FHIP1B: variants seen among roughly 807,000 people sequenced by gnomAD.
The protein encoded by FHIP1B is FHF complex subunit HOOK interacting protein 1B, also known as FHF complex subunit HOOK-interacting protein 1B.
A neutral mutation model predicts 82.2 loss-of-function variants in FHIP1B; 28 were observed. That is an observed-to-expected ratio of 0.34 (90% CI 0.25 to 0.47). The LOEUF (loss-of-function observed/expected upper bound fraction) is 0.47, where lower values mean the gene tolerates loss of function less well. FHIP1B is among the 20% of genes least tolerant of loss of function. The probability of loss-of-function intolerance (pLI) is 1.00; values close to 1 mark genes in which losing one functional copy is unlikely to be tolerated. For synonymous variants in FHIP1B, 585 were observed against 516.1 expected (o/e 1.13, Z -1.81); for missense variants, 1,110 against 1,262.6 (o/e 0.88, Z 1.83).
At chr11:6,230,623 T>G (rs1847673076) in intron 1 of FHIP1B, among the ~76,000 whole-genome samples, 1 of 152,236 alleles carries the variant, frequency 6.6e-6, no homozygotes, top group Non-Finnish European at 1.5e-5. Flanking sequence ...TCTCCTCATC[T>G]GACTCCAGCG....
At position 6,223,784 on chromosome 11, in the gene FHIP1B, A is replaced by T. The variant is rs772708738; in HGVS notation, c.603T>A (p.Pro201=). 10 of 1,614,202 alleles carry T rather than the reference A, an allele frequency of 6.2e-6. No homozygotes were observed. Among genetic ancestry groups the T allele is most frequent in the Non-Finnish European group, 7.6e-6 (9 of 1,180,022 alleles). Residue 201 remains proline (P), a synonymous_variant, in exon 3 of 12, where the codon CCT becomes CCA. Coordinates refer to ENST00000449352, the MANE Select transcript of FHIP1B (RefSeq NM_001098794.2). The surrounding 1 kb of genome is among the most constrained non-coding windows in gnomAD (Gnocchi z 4.8). Reference sequence around the variant, plus strand: ...GACGGGGAGCGGCTCCAGGCTCAGGAGGTGGCTGCAGGAAGAACTCGAGCA... The same window carrying T: ...GACGGGGAGCGGCTCCAGGCTCAGGTGGTGGCTGCAGGAAGAACTCGAGCA... ...PSLLEFFLQP[P]PEPGAAPRLL... is the part of the protein sequence containing the mutation.
intron 1 of FHIP1B, among the ~76,000 whole-genome samples, chr11:6,229,589 C>G (rs1847646221): frequency 6.6e-6 from 1 of 152,186 alleles, no homozygotes; most frequent in Non-Finnish European, 1.5e-5. Flanking sequence ...CTGCCTCCAG[C>G]TTCTGGAATT....
chr11:6,215,733 T>C (rs1385098764), intron 9 of FHIP1B, among the ~76,000 whole-genome samples: 1 of 152,202 alleles, frequency 6.6e-6, no homozygotes, highest in Non-Finnish European at 1.5e-5. Flanking sequence ...CATTATCCAC[T>C]GGGAAAACTG....
intron 1 of FHIP1B, among the ~76,000 whole-genome samples, chr11:6,230,471 C>G (rs982572388): frequency 6.6e-6 from 1 of 152,202 alleles, no homozygotes; most frequent in African/African-American, 2.4e-5. Flanking sequence ...ACCAAAAACA[C>G]CACCTACTAG....
rs768172515 is a variant in FHIP1B at position 6,224,550 on chromosome 11, C to G, written c.-34G>C. On this transcript the variant is annotated 5_prime_UTR_variant, in exon 2 of 12. Transcript: ENST00000449352. ...CTGGGCAGGACTGGCAGCCAGAGGC[C>G]TACACTCTGAGGATTTGCCAGCTGG... The G allele has an allele frequency of 1.9e-6, 3 of 1,570,402 alleles. No individual in the cohort carries two copies. The highest frequency in any genetic ancestry group is 2.6e-6 in the Non-Finnish European group (3 of 1,161,976).
chr11:6,216,788 C>T, intron 9 of FHIP1B: 1 of 496,396 alleles, frequency 2.0e-6, no homozygotes, highest in Non-Finnish European at 3.6e-6. Context: ...CAGACAGTCA[C>T]AGCAACCAAG....
intron 1 of FHIP1B, among the ~76,000 whole-genome samples, chr11:6,226,079 G>A (rs921288320): frequency 1.3e-5 from 2 of 152,192 alleles, no homozygotes; most frequent in Admixed American, 1.3e-4. Flanking sequence ...TGGTTCAGTT[G>A]TCCTTCCTCT....
At chr11:6,227,268 T>A (rs1477340022) in intron 1 of FHIP1B, among the ~76,000 whole-genome samples, 4 of 152,214 alleles carry the variant, frequency 2.6e-5, no homozygotes, top group Non-Finnish European at 5.9e-5. Flanking sequence ...TTAAGTATTA[T>A]TATCCACATT....
At position 6,234,536 on chromosome 11, in the gene FHIP1B, A is replaced by C. The variant is rs959377678; in HGVS notation, c.-192+8T>G. 1.3e-5 allele frequency: 2 copies of C among 152,768 alleles called. No individual in the cohort carries two copies. Among genetic ancestry groups the C allele is most frequent in the Non-Finnish European group, 2.9e-5 (2 of 68,480 alleles). 9.5% of individuals were successfully genotyped at this position (152,768 alleles called of 1,614,324 possible). On this transcript the variant is annotated splice_region_variant and intron_variant, in intron 1 of 11. Transcript: ENST00000449352. ...AACGACTCTCCAGGCCCTCTGGCCC[A>C]TGCGTACCGTTCACTCACGGAACGC...
rs1231218381 is a variant in FHIP1B, at chr11:6,211,818, G to C, written c.2607C>G (p.His869Gln). 6.2e-7 allele frequency: 1 copy of C among 1,608,494 alleles called. No individual in the cohort carries two copies. Residue 869 changes from histidine (H) to glutamine (Q), a missense_variant, in exon 12 of 12, where the codon CAC (histidine) becomes CAG (glutamine). Physicochemically the swap from His to Gln is conservative, Grantham distance 24. Around this residue, in one of 6 missense-constraint regions of FHIP1B, gnomAD observed 147 missense variants for 154.0 expected, o/e 0.95. Coordinates refer to ENST00000449352, the MANE Select transcript of FHIP1B (RefSeq NM_001098794.2). ...SLGELLLRHA[H>Q]SPTRARQAAQ... is the part of the protein sequence containing the mutation. ...CCGCCTGCCGGGCCCTGGTTGGACT[G>C]TGTGCATGCCGCAGGAGTAACTCCC...
intron 9 of FHIP1B, among the ~76,000 whole-genome samples, chr11:6,215,705 A>T (rs1396808745): frequency 6.6e-6 from 1 of 152,238 alleles, no homozygotes; most frequent in African/African-American, 2.4e-5. Flanking sequence ...GTGGGAGAGA[A>T]GGAAGGGAAA....
At chr11:6,217,256 G>T in intron 9 of FHIP1B, 115 bp downstream of exon 9, 1 of 903,550 alleles carries the variant, frequency 1.1e-6, no homozygotes, top group Non-Finnish European at 1.8e-6. Context: ...GGATGGATGA[G>T]GGGCTAGGCA....
Position 6,223,196 on chromosome 11 carries a change from G to T in FHIP1B, c.820C>A (p.Arg274=). ...GLSALYSSLP[R]KIEVPGDDWH... ...TCATCCCCTGGAACCTCAATCTTTC[G>T]AGGCAGTGATGAGTACAGGGCACTG... is the stretch of plus-strand genomic sequence containing the variant. The change falls in exon 4 of 12, where the codon CGA becomes AGA. Residue 274 remains arginine, a synonymous_variant. Transcript: ENST00000449352. This position sits in a 1 kb window ranked among gnomAD's most constrained non-coding sequence, Gnocchi z 4.8. The T allele has an allele frequency of 6.2e-7, 1 of 1,605,532 alleles. No individual in the cohort carries two copies.
rs750657567 is a variant in FHIP1B at position 6,219,033 on chromosome 11, C to A, written c.1209G>T (p.Leu403=). 1 of 1,612,196 alleles carries A rather than the reference C, an allele frequency of 6.2e-7. No homozygotes were observed. Among genetic ancestry groups the A allele is most frequent in the East Asian group, 2.2e-5 (1 of 44,824 alleles). ...GSNSRLCMVS[L]SLFRTLLNLS... is the part of the protein sequence containing the mutation. Reference sequence around the variant, plus strand: ...GGTTCAGGAGGGTCCTGAAGAGACTCAGAGAGACCATGCAGAGCTGGGGGG... The same window carrying A: ...GGTTCAGGAGGGTCCTGAAGAGACTAAGAGAGACCATGCAGAGCTGGGGGG... Residue 403 remains leucine (L), a synonymous_variant, in exon 7 of 12, where the codon CTG becomes CTT. Transcript: ENST00000449352.
chr11:6,211,544 C>T lies in FHIP1B; in HGVS notation c.2881G>A (p.Gly961Ser). Residue 961 changes from glycine (G) to serine (S), a missense_variant, in exon 12 of 12, where the codon GGC becomes AGC. Coordinates refer to ENST00000449352, the MANE Select transcript of FHIP1B (RefSeq NM_001098794.2). ...FLLETSEEGS[G>S]PLISGCGPLN... ...GGCCCACAGCCTGAGATGAGAGGGC[C>T]AGATCCTTCCTCTGAAGTCTCCAAC... is the stretch of plus-strand genomic sequence containing the variant. The T allele has an allele frequency of 6.2e-7, 1 of 1,612,474 alleles. No individual in the cohort carries two copies. The highest frequency in any genetic ancestry group is 8.5e-7 in the Non-Finnish European group (1 of 1,179,202).
chr11:6,216,717 G>A (rs747015865), intron 9 of FHIP1B: 9 of 247,704 alleles, frequency 3.6e-5, no homozygotes, highest in African/African-American at 6.7e-5. Flanking sequence ...TCAGGGCCAC[G>A]CTTTGTCATT....
intron 5 of FHIP1B, 31 bp downstream of exon 5, chr11:6,222,772 GCTTAGCCC>G (rs1299476946): frequency 5.0e-6 from 8 of 1,601,736 alleles, no homozygotes; most frequent in Non-Finnish European, 6.8e-6. Flanking sequence ...TACCACTGCA[GCTTAGCCC>G]CTTATATGCC....
intron 9 of FHIP1B, chr11:6,217,166 C>G (rs757454122): frequency 4.2e-6 from 3 of 706,650 alleles, no homozygotes; most frequent in Non-Finnish European, 7.7e-6. Flanking sequence ...AATACTCAAA[C>G]CAGCACAAGC....
chr11:6,223,043 T>G lies in FHIP1B; in HGVS notation c.936+37A>C. 1 of 1,569,646 alleles carries G rather than the reference T, an allele frequency of 6.4e-7. No homozygotes were observed. The highest frequency in any genetic ancestry group is 1.7e-4 in the Middle Eastern group (1 of 5,806). On this transcript the variant is annotated intron_variant, in intron 4 of 11. Transcript: ENST00000449352. The surrounding 1 kb of genome is among the most constrained non-coding windows in gnomAD (Gnocchi z 4.8). ...GGAATATACCCCCTCCTACCTAATC[T>G]CCCAAAAATGACCAAGGGCCAGACT...
Sources: gnomAD v4.1 joint callset for allele counts (sites outside exome capture counted in the v4.1 genomes callset) on GRCh38, gnomAD v4.1.1 for gene constraint, gnomAD v4.1.1 regional missense constraint, Gnocchi (gnomAD v3.1) non-coding constraint, MANE v1.5 for transcripts, NCBI Gene and HGNC (gene_info 2026-07-23, HGNC 2026-07-21) for gene names.